ZNF804B: variants seen among roughly 807,000 people sequenced by gnomAD.
ZNF804B encodes zinc finger protein 804B, also known as zinc finger 804B.
ZNF804B carries 80 observed loss-of-function variants against 101.4 expected under a neutral mutation model. The ratio of observed to expected loss-of-function variants is 0.79; its 90% CI spans 0.66 to 0.95. The LOEUF is 0.95. ZNF804B is among the 40% of genes least tolerant of loss of function. ZNF804B has a pLI of 0.00. For synonymous variants in ZNF804B, 622 were observed against 558.8 expected (o/e 1.11, Z -1.59); for missense variants, 1,673 against 1,561.9 (o/e 1.07, Z -1.20).
chr7:88,929,404 C>A (rs1181207077), intron 1 of ZNF804B, among the ~76,000 whole-genome samples: 1 of 151,728 alleles, frequency 6.6e-6, no homozygotes, highest in Admixed American at 6.6e-5. Flanking sequence ...CTTACCAGTA[C>A]AATTTGTTAA....
chr7:89,215,902 A>C (rs866192814), intron 1 of ZNF804B, among the ~76,000 whole-genome samples: 5 of 149,698 alleles, frequency 3.3e-5, no homozygotes, highest in African/African-American at 1.2e-4. Flanking sequence ...TAAATAAATA[A>C]ATAAATAAAT....
chr7:89,127,331 T>C (rs1790487851), intron 1 of ZNF804B, among the ~76,000 whole-genome samples: 1 of 151,956 alleles, frequency 6.6e-6, no homozygotes, highest in Non-Finnish European at 1.5e-5. Flanking sequence ...CTATTTTTCT[T>C]CTTATAACAT....
intron 1 of ZNF804B, among the ~76,000 whole-genome samples, chr7:88,852,599 T>A (rs1791464424): frequency 6.6e-6 from 1 of 152,110 alleles, no homozygotes; most frequent in Non-Finnish European, 1.5e-5. Flanking sequence ...CTCTTCATGA[T>A]GGAATCCAAG....
At chr7:89,194,019 A>G (rs1788504120) in intron 1 of ZNF804B, among the ~76,000 whole-genome samples, 1 of 152,086 alleles carries the variant, frequency 6.6e-6, no homozygotes, top group Non-Finnish European at 1.5e-5. Flanking sequence ...CTAGTGTGAG[A>G]TGGTATCTCA....
intron 1 of ZNF804B, among the ~76,000 whole-genome samples, chr7:88,915,121 A>T (rs181525425): frequency 2.0e-5 from 3 of 152,250 alleles, no homozygotes; most frequent in Non-Finnish European, 2.9e-5. Context: ...CACCATTTTG[A>T]TATCAATCAC....
chr7:88,908,833 T>G (rs1482721145), intron 1 of ZNF804B, among the ~76,000 whole-genome samples: 1 of 151,810 alleles, frequency 6.6e-6, no homozygotes, highest in Non-Finnish European at 1.5e-5. Flanking sequence ...TGGCCACTCT[T>G]GCAGTTTGAT....
intron 1 of ZNF804B, among the ~76,000 whole-genome samples, chr7:89,070,076 C>T (rs1015701724): frequency 3.9e-5 from 6 of 152,122 alleles, no homozygotes; most frequent in African/African-American, 1.4e-4. Context: ...AGTGTGTTTT[C>T]AAACACCCAG....
At chr7:89,042,065 A>C (rs1032533558) in intron 1 of ZNF804B, among the ~76,000 whole-genome samples, 11 of 152,174 alleles carry the variant, frequency 7.2e-5, no homozygotes, top group Non-Finnish European at 5.9e-5. Context: ...GAAATGTGTT[A>C]TACTTTTTCT....
At chr7:89,200,940 C>T (rs1788623672) in intron 1 of ZNF804B, among the ~76,000 whole-genome samples, 3 of 151,962 alleles carry the variant, frequency 2.0e-5, no homozygotes, top group African/African-American at 7.2e-5. Context: ...TTTCACTTGG[C>T]ATTCCTCCCT....
intron 2 of ZNF804B, among the ~76,000 whole-genome samples, chr7:89,259,008 A>C (rs1789674690): frequency 6.6e-6 from 1 of 152,172 alleles, no homozygotes; most frequent in African/African-American, 2.4e-5. Context: ...TTTCTAAAAA[A>C]ATGTTTCTAC....
At chr7:89,020,732 G>A (rs1788653228) in intron 1 of ZNF804B, among the ~76,000 whole-genome samples, 2 of 152,054 alleles carry the variant, frequency 1.3e-5, no homozygotes. Context: ...CATAAATCCT[G>A]TAGGCTTTCT....
At position 89,218,427 on chromosome 7, in the gene ZNF804B, G is replaced by A. The variant is rs149214325; in HGVS notation, c.249+132G>A. On this transcript the variant is annotated intron_variant, in intron 2 of 3. Transcript: ENST00000333190. The stretch of plus-strand genomic sequence containing the variant: ...ACATTTTATGTCTTTTTTCCCCCCT[G>A]GAAAGGTTGTGTTTTGTGTTTAAAT... 879 of 1,104,834 alleles carry A rather than the reference G, an allele frequency of 8.0e-4. 7 individuals are homozygous for A. The African/African-American group carries it at 0.013, about 17-fold the overall frequency. The allele number at this position is 1,104,834 out of a possible 1,614,324, so 68.4% of individuals were successfully genotyped here.
At chr7:89,192,043 A>G (rs1032092292) in intron 1 of ZNF804B, among the ~76,000 whole-genome samples, 2 of 152,128 alleles carry the variant, frequency 1.3e-5, no homozygotes, top group African/African-American at 2.4e-5. Context: ...GAACTTTTCT[A>G]AAAATGGGAG....
At chr7:88,794,759 T>C (rs1344173304) in intron 1 of ZNF804B, 6 of 1,613,502 alleles carry the variant, frequency 3.7e-6, no homozygotes, top group Non-Finnish European at 4.2e-6. Context: ...ACATCTTTTC[T>C]TTCTACATTT....
chr7:88,880,306 A>G (rs534497878), intron 1 of ZNF804B, among the ~76,000 whole-genome samples: 1 of 152,238 alleles, frequency 6.6e-6, no homozygotes, highest in Admixed American at 6.5e-5. Context: ...GAAGAATGCC[A>G]TAAAAATATT....
intron 1 of ZNF804B, among the ~76,000 whole-genome samples, chr7:88,968,710 C>T (rs950410041): frequency 1.3e-5 from 2 of 151,494 alleles, no homozygotes; most frequent in African/African-American, 4.8e-5. Flanking sequence ...GGAAATGTCA[C>T]ACCAAAATAT....
rs57733765 is a variant in ZNF804B, at chr7:88,776,560, G to GTTTTT, written c.108+16493_108+16497dup. Among the ~76,000 whole-genome samples the GTTTTT allele has an allele frequency of 7.0e-3, 520 of 74,602 alleles. 1 individual carries two copies. The highest frequency in any genetic ancestry group is 0.011 in the Non-Finnish European group (426 of 37,304). 48.9% of individuals were successfully genotyped at this position (74,602 alleles called of 152,430 possible). ...GCTTTTCTATTTCTCGTGGTGTTTT[G>GTTTTT]TTTTTTTTTTTTTTTTTTTTTCAGA... On this transcript the variant is annotated intron_variant, in intron 1 of 3. Coordinates refer to ENST00000333190, the MANE Select transcript of ZNF804B (RefSeq NM_181646.5).
chr7:88,955,386 C>G (rs1793289764), intron 1 of ZNF804B, among the ~76,000 whole-genome samples: 1 of 151,486 alleles, frequency 6.6e-6, no homozygotes. Flanking sequence ...TCCAGAAGCC[C>G]TCAAATTTAT....
chr7:89,228,283 C>T (rs1789128421), intron 2 of ZNF804B, among the ~76,000 whole-genome samples: 1 of 152,082 alleles, frequency 6.6e-6, no homozygotes, highest in African/African-American at 2.4e-5. Context: ...AAGAACAAAG[C>T]TTCCACAGTG....
Sources: gnomAD v4.1 joint callset for allele counts (sites outside exome capture counted in the v4.1 genomes callset) on GRCh38, gnomAD v4.1.1 for gene constraint, MANE v1.5 for transcripts, NCBI Gene and HGNC (gene_info 2026-07-23, HGNC 2026-07-21) for gene names.